The following APCDD1 variants were observed in gnomAD, a reference collection of about 807,000 sequenced individuals.
APCDD1 encodes APC down-regulated 1, also known as protein APCDD1.
In APCDD1, 15 loss-of-function variants were observed where a neutral mutation model predicts 38.1. The ratio of observed to expected loss-of-function variants is 0.39; its 90% CI spans 0.26 to 0.61. The LOEUF (loss-of-function observed/expected upper bound fraction) is 0.61, where lower values mean the gene tolerates loss of function less well. Ranked by LOEUF, APCDD1 falls within the 20% of genes least tolerant of loss-of-function variation. The probability of loss-of-function intolerance (pLI) is 0.49; values close to 1 mark genes in which losing one functional copy is unlikely to be tolerated. For synonymous variants in APCDD1, 261 were observed against 279.7 expected (o/e 0.93, Z 0.67); for missense variants, 647 against 696.2 (o/e 0.93, Z 0.79).
At chr18:10,462,687 C>CTTCCTTCCT (rs2030601619) in intron 1 of APCDD1, among the ~76,000 whole-genome samples, 3 of 79,862 alleles carry the variant, frequency 3.8e-5, no homozygotes, top group Non-Finnish European at 2.8e-5. Flanking sequence ...CCTTCCTTCC[C>CTTCCTTCCT]TCCTTCCTTC....
chr18:10,484,246 G>A (rs1454724086), intron 3 of APCDD1, among the ~76,000 whole-genome samples: 1 of 152,222 alleles, frequency 6.6e-6, no homozygotes, highest in African/African-American at 2.4e-5. Context: ...CAGTGTGCGC[G>A]TGTGCTTGCT....
At chr18:10,484,242 G>A (rs915424134) in intron 3 of APCDD1, among the ~76,000 whole-genome samples, 1 of 152,216 alleles carries the variant, frequency 6.6e-6, no homozygotes, top group Non-Finnish European at 1.5e-5. Context: ...AGGGCAGTGT[G>A]CGCGTGTGCT....
intron 3 of APCDD1, among the ~76,000 whole-genome samples, chr18:10,480,935 A>C (rs1184910290): frequency 7.3e-6 from 1 of 137,916 alleles, no homozygotes; most frequent in Non-Finnish European, 1.6e-5. Context: ...ACAACCAAAA[A>C]AAATAAAAAA....
At chr18:10,479,059 G>C (rs522393) in intron 3 of APCDD1, among the ~76,000 whole-genome samples, 75,106 of 152,076 alleles carry the variant, frequency 0.49, 19,619 homozygotes, top group African/African-American at 0.67. Context: ...GACAAAGAGA[G>C]AACACTTGGT....
chr18:10,472,042 C>T lies in APCDD1; in HGVS notation c.755C>T (p.Pro252Leu), dbSNP rs1386701066. ...TTCTACCGGCCCTCCAGTTACCAGCCCCCTCTGCAGAATGCCAAGGTACCT... is the reference window on the plus strand; with the variant it reads ...TTCTACCGGCCCTCCAGTTACCAGCTCCCTCTGCAGAATGCCAAGGTACCT... ...RMFYRPSSYQ[P>L]PLQNAKNHDH... The change falls in exon 3 of 5, where the codon CCC becomes CTC. Residue 252 changes from proline (P) to leucine (L), a missense_variant. Physicochemically the swap from Pro to Leu is moderately conservative, Grantham distance 98. Transcript: ENST00000355285. This position sits in a 1 kb window ranked among gnomAD's most constrained non-coding sequence, Gnocchi z 6.6. 1 of 1,613,494 alleles carries T rather than the reference C, an allele frequency of 6.2e-7. No individual in the cohort carries two copies. Among genetic ancestry groups the T allele is most frequent in the Non-Finnish European group, 8.5e-7 (1 of 1,180,044 alleles).
rs2030324471 is a variant in APCDD1, at chr18:10,454,813, C to T, written c.-169C>T. Reference sequence around the variant, plus strand: ...CCCGACGGCGCCCAGAGAGCGCGCGCCCCGCAGCCCCGCGCCTAGCCCGCC... The same window carrying T: ...CCCGACGGCGCCCAGAGAGCGCGCGTCCCGCAGCCCCGCGCCTAGCCCGCC... On this transcript the variant is annotated 5_prime_UTR_variant, in exon 1 of 5. Coordinates refer to ENST00000355285, the MANE Select transcript of APCDD1 (RefSeq NM_153000.5). 2.0e-6 allele frequency: 2 copies of T among 984,586 alleles called. No individual in the cohort carries two copies. Among genetic ancestry groups the T allele is most frequent in the Non-Finnish European group, 2.4e-6 (2 of 831,072 alleles). 61.0% of individuals were successfully genotyped at this position (984,586 alleles called of 1,614,324 possible).
At chr18:10,473,488 C>T (rs995447309) in intron 3 of APCDD1, among the ~76,000 whole-genome samples, 1 of 152,206 alleles carries the variant, frequency 6.6e-6, no homozygotes, top group Non-Finnish European at 1.5e-5. Flanking sequence ...AAGAGGCCAA[C>T]ATGAATTAGG....
At chr18:10,487,449 C>G (rs2031272025) in intron 4 of APCDD1, 141 bp from the exon 5 acceptor site, 1 of 808,770 alleles carries the variant, frequency 1.2e-6, no homozygotes, top group Admixed American at 2.0e-5. Context: ...CTACTGCTGT[C>G]AGATGGGTGG....
intron 1 of APCDD1, among the ~76,000 whole-genome samples, chr18:10,464,054 C>CT (rs1186711165): frequency 3.9e-5 from 6 of 152,192 alleles, no homozygotes; most frequent in East Asian, 1.9e-4. Flanking sequence ...TATTTAATGT[C>CT]TTTTTTTTCC....
At chr18:10,478,553 T>A (rs1371477167) in intron 3 of APCDD1, among the ~76,000 whole-genome samples, 1 of 152,192 alleles carries the variant, frequency 6.6e-6, no homozygotes, top group Non-Finnish European at 1.5e-5. Context: ...GACCTCCCTC[T>A]GTATCCTCAT....
At chr18:10,460,560 GC>G (rs1237693381) in intron 1 of APCDD1, among the ~76,000 whole-genome samples, 1 of 149,694 alleles carries the variant, frequency 6.7e-6, no homozygotes. Flanking sequence ...AAACAAACAA[GC>G]AAAAAAAACT....
chr18:10,481,518 T>C (rs1407576590), intron 3 of APCDD1, among the ~76,000 whole-genome samples: 1 of 150,848 alleles, frequency 6.6e-6, no homozygotes, highest in Non-Finnish European at 1.5e-5. Context: ...AGAATGGAGG[T>C]TTCCAGGGGC....
At position 10,476,774 on chromosome 18, in the gene APCDD1, C is replaced by T. The variant is rs1287510183; in HGVS notation, c.774+4713C>T. 2.6e-5 allele frequency: 4 copies of T among 152,182 alleles called. No homozygotes were observed. Among genetic ancestry groups the T allele is most frequent in the African/African-American group, 9.7e-5 (4 of 41,448 alleles). 9.4% of individuals were successfully genotyped at this position (152,182 alleles called of 1,614,324 possible). A position where few individuals can be genotyped will look rare whatever the true frequency, so the allele number is the denominator to read the frequency against. ...TCCCAGCACATGTACAGCAGGGGAGCTACACACGGGAGGGAGAAAAGCACC... is the reference window on the plus strand; with the variant it reads ...TCCCAGCACATGTACAGCAGGGGAGTTACACACGGGAGGGAGAAAAGCACC... On this transcript the variant is annotated intron_variant, in intron 3 of 4. Coordinates refer to ENST00000355285, the MANE Select transcript of APCDD1 (RefSeq NM_153000.5). The surrounding 1 kb of genome is among the most constrained non-coding windows in gnomAD (Gnocchi z 5.8).
rs1568008516 is a variant in APCDD1 at position 10,485,834 on chromosome 18, GA to G, written c.1096+52del. ...TATCACAGCCAATAAACAGCCCTGT[GA>G]CATTTTTGTGGAGGCAGAGCTGAGG... On this transcript the variant is annotated intron_variant, in intron 4 of 4. Transcript: ENST00000355285. This position sits in a 1 kb window ranked among gnomAD's most constrained non-coding sequence, Gnocchi z 5.8. The G allele has an allele frequency of 6.3e-7, 1 of 1,590,120 alleles. No homozygotes were observed. Among genetic ancestry groups the G allele is most frequent in the Admixed American group, 1.7e-5 (1 of 58,724 alleles).
intron 3 of APCDD1, among the ~76,000 whole-genome samples, chr18:10,478,556 A>G (rs899178385): frequency 1.4e-4 from 21 of 152,270 alleles, no homozygotes; most frequent in Non-Finnish European, 2.6e-4. Flanking sequence ...CTCCCTCTGT[A>G]TCCTCATGTG....
At position 10,488,092 on chromosome 18, in the gene APCDD1, T is replaced by G. The variant is rs1295973774; in HGVS notation, c.*54T>G. The G allele has an allele frequency of 2.5e-6, 4 of 1,601,476 alleles. No individual in the cohort carries two copies. The highest frequency in any genetic ancestry group is 3.4e-6 in the Non-Finnish European group (4 of 1,174,928). ...CCAGGATTCCTTACTATTGACAGAT[T>G]TGCTTTACCAAAAGAAAAGACATTT... On this transcript the variant is annotated 3_prime_UTR_variant, in exon 5 of 5. Coordinates refer to ENST00000355285, the MANE Select transcript of APCDD1 (RefSeq NM_153000.5).
At chr18:10,482,710 C>T (rs1273840439) in intron 3 of APCDD1, among the ~76,000 whole-genome samples, 2 of 152,210 alleles carry the variant, frequency 1.3e-5, no homozygotes, top group Non-Finnish European at 1.5e-5. Context: ...ACACCAGGAC[C>T]ACAGGCCTGA....
rs2030957891 is a variant in APCDD1 at position 10,475,033 on chromosome 18, T to G, written c.774+2972T>G. ...TGACCTACTGGAGACTTCATTTTCC[T>G]TTTCTGTAAAATGGCAAAAATATAA... On this transcript the variant is annotated intron_variant, in intron 3 of 4. Coordinates refer to ENST00000355285, the MANE Select transcript of APCDD1 (RefSeq NM_153000.5). The surrounding 1 kb of genome is among the most constrained non-coding windows in gnomAD (Gnocchi z 4.0). Among the ~76,000 whole-genome samples the G allele has an allele frequency of 6.6e-6, 1 of 152,226 alleles. No individual in the cohort carries two copies. The highest frequency in any genetic ancestry group is 6.5e-5 in the Admixed American group (1 of 15,288).
chr18:10,470,206 T>C lies in APCDD1; in HGVS notation c.243-1324T>C, dbSNP rs1442688. ...GATCCACTGTACGTGGCAGGCAGAA[T>C]CAACAGACTGTTGATGCTTAGATTA... On this transcript the variant is annotated intron_variant, in intron 2 of 4. Transcript: ENST00000355285. The surrounding 1 kb of genome is among the most constrained non-coding windows in gnomAD (Gnocchi z 4.1). 0.064 allele frequency among the ~76,000 whole-genome samples: 9,776 copies of C among 152,204 alleles called. 1,060 individuals carry two copies. The highest frequency in any genetic ancestry group is 0.22 in the African/African-American group (9,189 of 41,488).
Sources: gnomAD v4.1 joint callset for allele counts (sites outside exome capture counted in the v4.1 genomes callset) on GRCh38, gnomAD v4.1.1 for gene constraint, Gnocchi (gnomAD v3.1) non-coding constraint, MANE v1.5 for transcripts, NCBI Gene and HGNC (gene_info 2026-07-23, HGNC 2026-07-21) for gene names.